The following SLC11A1 variants were observed in gnomAD, a reference collection of about 807,000 sequenced individuals.
SLC11A1 encodes natural resistance-associated macrophage protein 1.
Under a neutral mutation model 63.2 loss-of-function variants are expected in SLC11A1, and 59 were observed. The ratio of observed to expected loss-of-function variants is 0.93; its 90% CI spans 0.76 to 1.16. The LOEUF (loss-of-function observed/expected upper bound fraction) is 1.16, where lower values mean the gene tolerates loss of function less well. SLC11A1 is among the 50% of genes most tolerant of loss of function. SLC11A1 has a pLI of 0.00. For synonymous variants in SLC11A1, 305 were observed against 307.8 expected (o/e 0.99, Z 0.09); for missense variants, 688 against 730.7 (o/e 0.94, Z 0.67).
At chr2:218,391,519 A>G (rs1574775493) in intron 11 of SLC11A1, 24 bp downstream of exon 11, 1 of 1,562,796 alleles carries the variant, frequency 6.4e-7, no homozygotes, top group South Asian at 1.2e-5. Context: ...CGGGCCCAGG[A>G]GGGCAAGGGG....
At position 218,394,111 on chromosome 2, in the gene SLC11A1, T is replaced by C. The variant is rs1460928687; in HGVS notation, c.1315-9T>C. ...ATTCCTCAGCCTAGGCTCCTGCTGC[T>C]CTCCCCAGCTCCCGTTCGCCGTGCT... On this transcript the variant is annotated splice_polypyrimidine_tract_variant and intron_variant, in intron 12 of 14. Transcript: ENST00000233202. 1.2e-6 allele frequency: 2 copies of C among 1,613,856 alleles called. No homozygotes were observed. The highest frequency in any genetic ancestry group is 4.5e-5 in the East Asian group (2 of 44,868).
chr2:218,389,818 T>C lies in SLC11A1; in HGVS notation c.796-52T>C, dbSNP rs555573666. ...ATAGAAGTGTGAGGGTGGGGGACACTGTGGTGGCTCTGAGGGACTTTGGCA... is the reference window on the plus strand; with the variant it reads ...ATAGAAGTGTGAGGGTGGGGGACACCGTGGTGGCTCTGAGGGACTTTGGCA... On this transcript the variant is annotated intron_variant, in intron 8 of 14. Coordinates refer to ENST00000233202, the MANE Select transcript of SLC11A1 (RefSeq NM_000578.4). The C allele has an allele frequency of 3.9e-6, 6 of 1,558,192 alleles. No individual in the cohort carries two copies. The South Asian group carries it at 6.1e-5, about 16-fold the overall frequency.
At position 218,385,205 on chromosome 2, in the gene SLC11A1, C is replaced by G. The variant is rs1293012705; in HGVS notation, c.332C>G (p.Ala111Gly). The stretch of plus-strand genomic sequence containing the variant: ...GGCTTGCTCTGCCAGCGACTGGCTG[C>G]ACGTCTGGGCGTGGTGACAGGCAAG... ...VLGLLCQRLA[A>G]RLGVVTGKDL... The change falls in exon 4 of 15, where the codon GCA (alanine) becomes GGA (glycine). Residue 111 changes from alanine (A) to glycine (G), a missense_variant. Coordinates refer to ENST00000233202, the MANE Select transcript of SLC11A1 (RefSeq NM_000578.4). The G allele has an allele frequency of 6.2e-7, 1 of 1,614,070 alleles. No individual in the cohort carries two copies.
intron 11 of SLC11A1, 80 bp from the exon 12 acceptor site, chr2:218,392,901 G>C (rs1316818318): frequency 2.5e-6 from 3 of 1,189,804 alleles, no homozygotes; most frequent in African/African-American, 1.6e-5. Flanking sequence ...GGATAAATCG[G>C]TTGAGGGACT....
chr2:218,384,504 C>G lies in SLC11A1; in HGVS notation c.273+139C>G. Reference sequence around the variant, plus strand: ...GTTCAAATGGGCCCGAAAAGGGTCCCCAGGGCAGCCCTGCCAGAAGGTGGG... The same window carrying G: ...GTTCAAATGGGCCCGAAAAGGGTCCGCAGGGCAGCCCTGCCAGAAGGTGGG... On this transcript the variant is annotated intron_variant, in intron 3 of 14. Transcript: ENST00000233202. The surrounding 1 kb of genome is among the most constrained non-coding windows in gnomAD (Gnocchi z 4.0). 2 of 968,256 alleles carry G rather than the reference C, an allele frequency of 2.1e-6. No individual in the cohort carries two copies. Among genetic ancestry groups the G allele is most frequent in the East Asian group, 2.8e-5 (1 of 36,310 alleles). 60.0% of individuals were successfully genotyped at this position (968,256 alleles called of 1,614,324 possible).
rs748086505 is a variant in SLC11A1 at position 218,394,966 on chromosome 2, C to T, written c.1584C>T (p.Ala528=). 7 of 1,613,362 alleles carry T rather than the reference C, an allele frequency of 4.3e-6. No individual in the cohort carries two copies. In the South Asian group the frequency reaches 6.6e-5, roughly 15 times the overall value. Residue 528 remains alanine (A), a synonymous_variant, in exon 15 of 15, where the codon GCC becomes GCT. Coordinates refer to ENST00000233202, the MANE Select transcript of SLC11A1 (RefSeq NM_000578.4). ...CCLAHGATFL[A]HSSHHHFLYG... ...TTGCCCACGGAGCCACCTTTCTGGC[C>T]CACAGCTCCCACCACCACTTCCTGT...
At chr2:218,394,248 G>A (rs954529654) in intron 13 of SLC11A1, 55 bp downstream of exon 13, 1 of 1,538,238 alleles carries the variant, frequency 6.5e-7, no homozygotes. Context: ...CATCCTCACA[G>A]CCACCCAGAG....
In SLC11A1 at chr2:218,387,743, T is replaced by A. The variant is rs867151169; in HGVS notation, c.640-57T>A. The A allele has an allele frequency of 4.9e-5, 79 of 1,611,856 alleles. No homozygotes were observed. In the Middle Eastern group the frequency reaches 4.7e-3, roughly 96 times the overall value. Reference sequence around the variant, plus strand: ...GGGTGGGATGGAGGCTGAGAAATGGTGACCGCGGCGTGGTTGCGAGGGGCG... The same window carrying A: ...GGGTGGGATGGAGGCTGAGAAATGGAGACCGCGGCGTGGTTGCGAGGGGCG... On this transcript the variant is annotated intron_variant, in intron 7 of 14. Transcript: ENST00000233202.
intron 5 of SLC11A1, 76 bp downstream of exon 5, chr2:218,386,817 C>T: frequency 9.5e-7 from 1 of 1,056,056 alleles, no homozygotes; most frequent in Non-Finnish European, 1.5e-6. Flanking sequence ...TAACCAGTCC[C>T]TCCCAGAGTC....
Position 218,395,051 on chromosome 2 carries a change from T to A in SLC11A1, c.*16T>A, listed in dbSNP as rs1366974387. ...CTCTGGCTAGGCCCACACCAGGGCC[T>A]GGCTGGGAGTGGCATGTATGACGTG... On this transcript the variant is annotated 3_prime_UTR_variant, in exon 15 of 15. Transcript: ENST00000233202. 3 of 1,553,134 alleles carry A rather than the reference T, an allele frequency of 1.9e-6. No individual in the cohort carries two copies. Among genetic ancestry groups the A allele is most frequent in the Admixed American group, 3.6e-5 (2 of 55,040 alleles).
chr2:218,383,638 C>A (rs1415612217), intron 2 of SLC11A1: 1 of 152,168 alleles, frequency 6.6e-6, no homozygotes, highest in South Asian at 2.0e-4. Context: ...CACCACCATG[C>A]CAGGCTAATT....
chr2:218,387,320 C>T (rs1291587192), intron 6 of SLC11A1, 90 bp downstream of exon 6: 2 of 1,277,484 alleles, frequency 1.6e-6, no homozygotes, highest in East Asian at 2.3e-5. Context: ...CCTGGGAGCG[C>T]ACCTGAGCTC....
chr2:218,387,931 C>G lies in SLC11A1; in HGVS notation c.771C>G (p.Ile257Met), dbSNP rs201709642. The change falls in exon 8 of 15, where the codon ATC (isoleucine) becomes ATG (methionine). Residue 257 changes from isoleucine (I) to methionine (M), a missense_variant. Coordinates refer to ENST00000233202, the MANE Select transcript of SLC11A1 (RefSeq NM_000578.4). ...IVGAIIMPHN[I>M]YLHSALVKSR... ...GCGCCATCATCATGCCCCACAACAT[C>G]TACCTGCACTCGGCCCTGGTCAAGG... 3 of 1,610,518 alleles carry G rather than the reference C, an allele frequency of 1.9e-6. No individual in the cohort carries two copies. In the East Asian group the frequency reaches 6.7e-5, roughly 36 times the overall value.
In SLC11A1 at chr2:218,395,086, CTGGA is replaced by C. The variant is rs576682461; in HGVS notation, c.*54_*57del. ...TGGCATGTATGACGTGACTGGCCTG[CTGGA>C]TGTGGAGGGGGCGCGTGCAGGCAGC... On this transcript the variant is annotated 3_prime_UTR_variant, in exon 15 of 15. Transcript: ENST00000233202. 1.8e-4 allele frequency: 252 copies of C among 1,403,958 alleles called. No homozygotes were observed. The African/African-American group carries it at 3.4e-3, about 19-fold the overall frequency. 87.0% of individuals were successfully genotyped at this position (1,403,958 alleles called of 1,614,324 possible). A position where few individuals can be genotyped will look rare whatever the true frequency, so the allele number is the denominator to read the frequency against.
rs746468436 is a variant in SLC11A1, at chr2:218,394,180, T to C, written c.1375T>C (p.Phe459Leu). ...FTSMPTLMQE[F>L]ANGLLNKVVT... ...CAGCATGCCCACCCTCATGCAGGAG[T>C]TTGCCAATGGCCTGTGAGTACCCCC... is the stretch of plus-strand genomic sequence containing the variant. The change falls in exon 13 of 15, where the codon TTT (phenylalanine) becomes CTT (leucine). Residue 459 changes from phenylalanine (F) to leucine (L), a missense_variant. Coordinates refer to ENST00000233202, the MANE Select transcript of SLC11A1 (RefSeq NM_000578.4). 89 of 1,613,840 alleles carry C rather than the reference T, an allele frequency of 5.5e-5. No homozygotes were observed. Among genetic ancestry groups the C allele is most frequent in the Non-Finnish European group, 6.9e-5 (81 of 1,179,968 alleles).
Position 218,395,128 on chromosome 2 carries a change from G to A in SLC11A1, c.*93G>A. 3 of 950,940 alleles carry A rather than the reference G, an allele frequency of 3.2e-6. No individual in the cohort carries two copies. The highest frequency in any genetic ancestry group is 4.8e-6 in the Non-Finnish European group (3 of 624,838). The allele number at this position is 950,940 out of a possible 1,614,324, so 58.9% of individuals were successfully genotyped here. ...GCGTGCAGGCAGCAGGATAGAGTGG[G>A]ACAGTTCCTGAGACCAGCCAACCTG... On this transcript the variant is annotated 3_prime_UTR_variant, in exon 15 of 15. Transcript: ENST00000233202.
intron 8 of SLC11A1, 116 bp downstream of exon 8, chr2:218,388,071 G>C: frequency 7.8e-7 from 1 of 1,286,842 alleles, no homozygotes; most frequent in East Asian, 2.6e-5. Flanking sequence ...TGCGGAGCCT[G>C]TAATAATTGA....
In SLC11A1 at chr2:218,393,099, A is replaced by G. The variant is rs149431337; in HGVS notation, c.1283A>G (p.Asn428Ser). 63 of 1,592,778 alleles carry G rather than the reference A, an allele frequency of 4.0e-5. No individual in the cohort carries two copies. The highest frequency in any genetic ancestry group is 1.9e-4 in the African/African-American group (14 of 74,218). Residue 428 changes from asparagine to serine, a missense_variant, in exon 12 of 15, where the codon AAT becomes AGT. Asn to Ser is a conservative substitution (Grantham distance 46). Coordinates refer to ENST00000233202, the MANE Select transcript of SLC11A1 (RefSeq NM_000578.4). Reference protein sequence around the residue: ...FRDLRDLSGLNDLLNVLQSLL... With the variant: ...FRDLRDLSGLSDLLNVLQSLL... Reference sequence around the variant, plus strand: ...GACCTGAGGGACTTGTCGGGCCTCAATGATCTGCTCAACGTGCTGCAGAGC... The same window carrying G: ...GACCTGAGGGACTTGTCGGGCCTCAGTGATCTGCTCAACGTGCTGCAGAGC...
In SLC11A1 at chr2:218,394,787, T is replaced by C; in HGVS notation, c.1542+2T>C. The C allele has an allele frequency of 6.2e-7, 1 of 1,611,794 alleles. No individual in the cohort carries two copies. Among genetic ancestry groups the C allele is most frequent in the Non-Finnish European group, 8.5e-7 (1 of 1,179,890 alleles). ...TACCTGGGCCTCAGCACCTACCTGG[T>C]ACAGTAGGGCCAGGGGATGCCTTGG... On this transcript the variant is annotated splice_donor_variant, in intron 14 of 14. Transcript: ENST00000233202. LOFTEE classifies it high-confidence loss of function.
Sources: gnomAD v4.1 joint callset for allele counts on GRCh38, gnomAD v4.1.1 for gene constraint, Gnocchi (gnomAD v3.1) non-coding constraint, MANE v1.5 for transcripts, NCBI Gene and HGNC (gene_info 2026-07-23, HGNC 2026-07-21) for gene names.